Variants in MTUS1 observed in about 807,000 individuals in gnomAD.
MTUS1 encodes microtubule associated scaffold protein 1, also known as microtubule-associated tumor suppressor 1.
In MTUS1, 109 loss-of-function variants were observed where a neutral mutation model predicts 120.8. That is an observed-to-expected ratio of 0.90 (90% CI 0.77 to 1.06). The LOEUF (loss-of-function observed/expected upper bound fraction) is 1.06, where lower values mean the gene tolerates loss of function less well. Among genes scored for constraint, MTUS1 ranks in the 50% least tolerant of loss-of-function variants. The pLI is 0.00. For missense variants in MTUS1, 2,210 were observed against 1,486.3 expected, an observed-to-expected ratio of 1.49 and a Z score of -8.01; for synonymous variants, 737 against 550.5, an observed-to-expected ratio of 1.34 and a Z score of -4.74.
intron 8 of MTUS1, among the ~76,000 whole-genome samples, chr8:17,661,298 C>A (rs1360532853): frequency 6.6e-6 from 1 of 152,130 alleles, no homozygotes; most frequent in East Asian, 1.9e-4. Context: ...TTCACGCAGG[C>A]TTTTCACTTG....
At chr8:17,763,862 C>G (rs1379829388) in intron 1 of MTUS1, among the ~76,000 whole-genome samples, 1 of 152,100 alleles carries the variant, frequency 6.6e-6, no homozygotes, top group East Asian at 1.9e-4. Context: ...TGGGCCTGGA[C>G]CATAGAACTC....
intron 1 of MTUS1, among the ~76,000 whole-genome samples, chr8:17,767,920 A>G (rs1275150489): frequency 1.3e-5 from 2 of 152,246 alleles, no homozygotes; most frequent in South Asian, 2.1e-4. Context: ...GAGAGACTAG[A>G]CGCACGAAAC....
At chr8:17,760,773 T>G (rs1169839117) in intron 1 of MTUS1, among the ~76,000 whole-genome samples, 1 of 138,844 alleles carries the variant, frequency 7.2e-6, no homozygotes, top group Admixed American at 7.3e-5. Context: ...TGCAGAAAGT[T>G]AAAAAATAAA....
chr8:17,692,615 A>T (rs912206689), intron 6 of MTUS1, among the ~76,000 whole-genome samples: 2 of 152,220 alleles, frequency 1.3e-5, no homozygotes, highest in African/African-American at 4.8e-5. Flanking sequence ...ACACTTCTTT[A>T]AAACGGTTCT....
At chr8:17,760,806 GAAAAA>G (rs201911502) in intron 1 of MTUS1, among the ~76,000 whole-genome samples, 1 of 136,970 alleles carries the variant, frequency 7.3e-6, no homozygotes, top group Non-Finnish European at 1.6e-5. Context: ...GTGCTGGAGG[GAAAAA>G]AAAAAAAAAA....
chr8:17,710,276 C>G (rs1349209621), intron 6 of MTUS1, among the ~76,000 whole-genome samples: 2 of 152,102 alleles, frequency 1.3e-5, no homozygotes, highest in Non-Finnish European at 2.9e-5. Flanking sequence ...AGCATTTTAC[C>G]CACAGCAGAG....
intron 6 of MTUS1, among the ~76,000 whole-genome samples, chr8:17,699,224 G>A (rs1476984289): frequency 6.6e-6 from 1 of 151,960 alleles, no homozygotes; most frequent in Non-Finnish European, 1.5e-5. Flanking sequence ...GTTTGTTTTT[G>A]TTTGTTTTTT....
chr8:17,650,944 G>A lies in MTUS1; in HGVS notation c.3385-982C>T, dbSNP rs575675900. Among the ~76,000 whole-genome samples, 14 of 152,240 alleles carry A rather than the reference G, an allele frequency of 9.2e-5. No homozygotes were observed. In the South Asian group the frequency reaches 1.5e-3, roughly 16 times the overall value. On this transcript the variant is annotated intron_variant, in intron 12 of 14. Transcript: ENST00000693296. ...GGTGTGGTCATCAAGCTTATCTTCC[G>A]GGGCATTGGTTTCTGCTCTGGACCA...
intron 1 of MTUS1, among the ~76,000 whole-genome samples, chr8:17,776,531 G>T (rs10109448): frequency 0.89 from 135,519 of 151,846 alleles, 62,564 homozygotes; most frequent in East Asian, 1. Context: ...ATACAAAAAT[G>T]AGCTGGGCAT....
At chr8:17,801,191 C>T (rs1047415163), upstream of MTUS1, among the ~76,000 whole-genome samples, 1 of 151,660 alleles carries the variant, frequency 6.6e-6, no homozygotes, top group African/African-American at 2.4e-5. Flanking sequence ...CCTGGGGGCG[C>T]GCGGCGCGGC....
At chr8:17,687,292 C>G (rs115884210) in intron 6 of MTUS1, among the ~76,000 whole-genome samples, 1 of 152,106 alleles carries the variant, frequency 6.6e-6, no homozygotes, top group Non-Finnish European at 1.5e-5. Context: ...TTTCCACATG[C>G]TTCCCACTCT....
At chr8:17,783,671 G>C (rs2051071749) in intron 1 of MTUS1, among the ~76,000 whole-genome samples, 1 of 152,272 alleles carries the variant, frequency 6.6e-6, no homozygotes, top group East Asian at 1.9e-4. Context: ...CGGTCCTTGA[G>C]TCTGACTTCC....
Position 17,754,946 on chromosome 8 carries a change from C to G in MTUS1, c.862G>C (p.Glu288Gln), listed in dbSNP as rs750111260. The G allele has an allele frequency of 1.9e-6, 3 of 1,612,864 alleles. No homozygotes were observed. Among genetic ancestry groups the G allele is most frequent in the East Asian group, 2.2e-5 (1 of 44,864 alleles). Residue 288 changes from glutamate (E) to glutamine (Q), a missense_variant, in exon 2 of 15, where the codon GAG becomes CAG. Physicochemically the swap from Glu to Gln is conservative, Grantham distance 29. Coordinates refer to ENST00000693296, the MANE Select transcript of MTUS1 (RefSeq NM_001363059.2). The stretch of plus-strand genomic sequence containing the variant: ...GAAACTGGTGTTAGTGCTTGTGTCT[C>G]CTTTTCTCCAACTAGTCTTTGTTGT... ...GSQQRLVGEK[E>Q]TQALTPVSDG...
intron 8 of MTUS1, chr8:17,664,219 C>T (rs1054103382): frequency 3.9e-5 from 6 of 152,200 alleles, no homozygotes; most frequent in African/African-American, 1.4e-4. Flanking sequence ...CCTTCCGCTA[C>T]TATTGTTCTT....
At chr8:17,662,219 A>G (rs1302732382) in intron 8 of MTUS1, among the ~76,000 whole-genome samples, 1 of 152,044 alleles carries the variant, frequency 6.6e-6, no homozygotes, top group Non-Finnish European at 1.5e-5. Context: ...ACTTTCAATT[A>G]ATCAGACACC....
At chr8:17,707,625 TAC>T (rs1820434000) in intron 6 of MTUS1, among the ~76,000 whole-genome samples, 1 of 152,160 alleles carries the variant, frequency 6.6e-6, no homozygotes, top group Non-Finnish European at 1.5e-5. Flanking sequence ...CTGACTTCAT[TAC>T]AGAGATTGAC....
In MTUS1 at chr8:17,653,212, T is replaced by C; in HGVS notation, c.3358A>G (p.Arg1120Gly). 1.9e-6 allele frequency: 3 copies of C among 1,549,954 alleles called. No individual in the cohort carries two copies. Among genetic ancestry groups the C allele is most frequent in the Middle Eastern group, 1.7e-4 (1 of 5,956 alleles). Residue 1120 changes from arginine (R) to glycine (G), a missense_variant, in exon 12 of 15, where the codon AGA becomes GGA. Transcript: ENST00000693296. ...AAATTTGCTTTTTCTCTTGCTCTTC[T>C]TTTTTGTTCTTCTGATTTCAATTTT... ...NEKLKSEEQK[R>G]RAREKANLKN... is the part of the protein sequence containing the mutation.
At chr8:17,671,555 C>A (rs1812022242) in intron 8 of MTUS1, among the ~76,000 whole-genome samples, 1 of 152,206 alleles carries the variant, frequency 6.6e-6, no homozygotes, top group Non-Finnish European at 1.5e-5. Flanking sequence ...TGGAAACACA[C>A]AGGCTGCTTT....
chr8:17,659,495 G>C (rs914439711), intron 8 of MTUS1, among the ~76,000 whole-genome samples: 42 of 152,132 alleles, frequency 2.8e-4, no homozygotes, highest in African/African-American at 9.7e-4. Flanking sequence ...AAAATATCCA[G>C]ACCATCCTGG....
Sources: gnomAD v4.1 joint callset for allele counts (sites outside exome capture counted in the v4.1 genomes callset) on GRCh38, gnomAD v4.1.1 for gene constraint, MANE v1.5 for transcripts, NCBI Gene and HGNC (gene_info 2026-07-23, HGNC 2026-07-21) for gene names.